Variants in CHD6 observed in about 807,000 individuals in gnomAD.
CHD6 encodes the protein chromodomain helicase DNA binding protein 6, also known as ATP-dependent chromatin remodeler CHD6.
CHD6 carries 50 observed loss-of-function variants against 276.9 expected under a neutral mutation model. The observed-to-expected ratio is 0.18, with a 90% CI of 0.14 to 0.23. The LOEUF is 0.23. Among genes scored for constraint, CHD6 ranks in the 10% least tolerant of loss-of-function variants. CHD6 has a pLI of 1.00. For missense variants in CHD6, 2,564 were observed against 3,365.8 expected (o/e 0.76, Z 5.89); for synonymous variants, 1,173 against 1,229.3 (o/e 0.95, Z 0.96).
chr20:41,449,520 A>C (rs1569090237), intron 23 of CHD6, among the ~76,000 whole-genome samples: 1 of 152,206 alleles, frequency 6.6e-6, no homozygotes, highest in Admixed American at 6.5e-5. Context: ...AATGGAAGGG[A>C]AATCAATTCA....
chr20:41,465,857 C>G (rs2042907461), intron 17 of CHD6, among the ~76,000 whole-genome samples: 1 of 152,130 alleles, frequency 6.6e-6, no homozygotes. Flanking sequence ...TTTGGAAAAA[C>G]CAGCTTCTTT....
Position 41,422,039 on chromosome 20 carries a change from C to T in CHD6, c.4596G>A (p.Glu1532=). Reference sequence around the variant, plus strand: ...GGTACAGAGTTCTTGCAGCACGTTCCTCAGTGATGGGTTCAACGTAGATGG... The same window carrying T: ...GGTACAGAGTTCTTGCAGCACGTTCTTCAGTGATGGGTTCAACGTAGATGG... The part of the protein sequence containing the change: ...DTTIYVEPIT[E]ERAARTLYRI... The change falls in exon 31 of 37, where the codon GAG becomes GAA. Residue 1532 remains glutamate (E), a synonymous_variant. Transcript: ENST00000373233. 6.2e-7 allele frequency: 1 copy of T among 1,613,992 alleles called. No homozygotes were observed. Among genetic ancestry groups the T allele is most frequent in the Non-Finnish European group, 8.5e-7 (1 of 1,179,924 alleles).
chr20:41,587,164 C>T (rs1399099447), intron 1 of CHD6, among the ~76,000 whole-genome samples: 2 of 152,150 alleles, frequency 1.3e-5, no homozygotes, highest in African/African-American at 2.4e-5. Context: ...TTTCAACATA[C>T]TATCAAGAAA....
intron 14 of CHD6, chr20:41,485,863 C>CTAAT (rs1167818963): frequency 6.6e-6 from 1 of 151,964 alleles, no homozygotes; most frequent in Admixed American, 6.6e-5. Context: ...AAAGCATGTG[C>CTAAT]TAATTAGCTC....
intron 1 of CHD6, among the ~76,000 whole-genome samples, chr20:41,578,573 G>A (rs565258267): frequency 6.6e-5 from 10 of 151,826 alleles, no homozygotes; most frequent in Admixed American, 2.0e-4. Flanking sequence ...CCAGCTACTC[G>A]GGAGGCTGAG....
At chr20:41,591,765 G>A (rs913963101) in intron 1 of CHD6, among the ~76,000 whole-genome samples, 1 of 152,106 alleles carries the variant, frequency 6.6e-6, no homozygotes, top group Non-Finnish European at 1.5e-5. Flanking sequence ...TTCACAGATG[G>A]AAGGTGCCGA....
intron 1 of CHD6, among the ~76,000 whole-genome samples, chr20:41,572,887 TGGG>T (rs903910401): frequency 6.6e-6 from 1 of 152,128 alleles, no homozygotes; most frequent in Non-Finnish European, 1.5e-5. Flanking sequence ...GATCTGTACT[TGGG>T]ACAGTATAAT....
chr20:41,540,916 G>A (rs1339904579), intron 2 of CHD6, among the ~76,000 whole-genome samples: 2 of 151,770 alleles, frequency 1.3e-5, no homozygotes, highest in Non-Finnish European at 2.9e-5. Context: ...CAACATTTCA[G>A]GTAGCTAAAG....
intron 1 of CHD6, among the ~76,000 whole-genome samples, chr20:41,592,714 A>T (rs368073610): frequency 1.3e-5 from 2 of 152,208 alleles, no homozygotes; most frequent in East Asian, 3.9e-4. Flanking sequence ...AAGGGAAGGA[A>T]CAAAAAGGCA....
At chr20:41,493,370 A>G (rs79065721) in intron 10 of CHD6, among the ~76,000 whole-genome samples, 168 bp downstream of exon 10, 5,839 of 152,236 alleles carry the variant, frequency 0.038, 130 homozygotes, top group Middle Eastern at 0.071. Context: ...GGGCGCTGGG[A>G]AAGTTCGATC....
chr20:41,406,683 G>A (rs764206737), intron 36 of CHD6, among the ~76,000 whole-genome samples: 6 of 152,172 alleles, frequency 3.9e-5, no homozygotes, highest in Non-Finnish European at 8.8e-5. Context: ...TCCCACAGAT[G>A]GGAAGCGATT....
intron 14 of CHD6, chr20:41,486,162 G>A (rs568849300): frequency 6.6e-6 from 1 of 152,276 alleles, no homozygotes; most frequent in South Asian, 2.1e-4. Context: ...ACAGCTAGCT[G>A]ATTGTTAAAG....
In CHD6 at chr20:41,403,904, G is replaced by T. The variant is rs1569033157; in HGVS notation, c.*689C>A. On this transcript the variant is annotated 3_prime_UTR_variant, in exon 37 of 37. Coordinates refer to ENST00000373233, the MANE Select transcript of CHD6 (RefSeq NM_032221.5). Reference sequence around the variant, plus strand: ...CAGCAAGAGGAATCTTTTCACTGGTGAGAGGGATGTATAGAAAATAATGCC... The same window carrying T: ...CAGCAAGAGGAATCTTTTCACTGGTTAGAGGGATGTATAGAAAATAATGCC... 5.7e-6 allele frequency: 6 copies of T among 1,056,184 alleles called. No individual in the cohort carries two copies. The highest frequency in any genetic ancestry group is 6.9e-6 in the Non-Finnish European group (6 of 873,600). 65.4% of individuals were successfully genotyped at this position (1,056,184 alleles called of 1,614,324 possible). A position where few individuals can be genotyped will look rare whatever the true frequency, so the allele number is the denominator to read the frequency against.
At chr20:41,464,001 G>A (rs2145731968) in intron 17 of CHD6, among the ~76,000 whole-genome samples, 1 of 152,248 alleles carries the variant, frequency 6.6e-6, no homozygotes, top group Middle Eastern at 3.4e-3. Flanking sequence ...TGTACTCAGA[G>A]AAAGAAAGGG....
intron 17 of CHD6, among the ~76,000 whole-genome samples, chr20:41,460,297 T>C (rs967833779): frequency 1.3e-5 from 2 of 152,238 alleles, no homozygotes; most frequent in African/African-American, 4.8e-5. Flanking sequence ...AAAATCAATT[T>C]TCTGGGGAGA....
chr20:41,424,476 GTTC>G (rs1229076039), intron 29 of CHD6, among the ~76,000 whole-genome samples: 7 of 152,208 alleles, frequency 4.6e-5, no homozygotes, highest in Admixed American at 1.3e-4. Context: ...AGTGGCTCTG[GTTC>G]TTCTCTTTAG....
intron 25 of CHD6, among the ~76,000 whole-genome samples, chr20:41,443,731 C>A (rs898615639): frequency 6.6e-6 from 1 of 152,162 alleles, no homozygotes; most frequent in African/African-American, 2.4e-5. Context: ...CTTTTTCTTG[C>A]TTCCCTTTCC....
chr20:41,520,450 G>C (rs1216125051), intron 3 of CHD6, among the ~76,000 whole-genome samples: 1 of 152,088 alleles, frequency 6.6e-6, no homozygotes, highest in Non-Finnish European at 1.5e-5. Context: ...ACTGGATTAA[G>C]AAAATGTGGC....
chr20:41,507,126 G>A (rs2043995735), intron 5 of CHD6, among the ~76,000 whole-genome samples: 1 of 152,044 alleles, frequency 6.6e-6, no homozygotes, highest in South Asian at 2.1e-4. Flanking sequence ...TACACTCAAA[G>A]GAACAAAGTT....
Sources: allele counts gnomAD v4.1 joint callset (sites outside exome capture counted in the v4.1 genomes callset), GRCh38; gene constraint gnomAD v4.1.1; transcripts MANE v1.5; gene names NCBI Gene and HGNC (gene_info 2026-07-23, HGNC 2026-07-21).